Variants in INSR observed in about 807,000 individuals in gnomAD.
INSR encodes insulin receptor.
INSR carries 67 observed loss-of-function variants against 142.6 expected under a neutral mutation model. The ratio of observed to expected loss-of-function variants is 0.47; its 90% CI spans 0.39 to 0.58. The LOEUF is 0.58. Among genes scored for constraint, INSR ranks in the 20% least tolerant of loss-of-function variants. The pLI, the probability that INSR is intolerant of heterozygous loss-of-function variation, is 0.00. For synonymous variants in INSR, 756 were observed against 743.1 expected, an observed-to-expected ratio of 1.02 and a Z score of -0.28; for missense variants, 1,248 against 1,833.2, an observed-to-expected ratio of 0.68 and a Z score of 5.83.
chr19:7,144,886 C>T (rs919422672), intron 11 of INSR, among the ~76,000 whole-genome samples: 1 of 152,064 alleles, frequency 6.6e-6, no homozygotes, highest in African/African-American at 2.4e-5. Context: ...CTTGTGGTTG[C>T]ACCAGCAGGC....
chr19:7,244,569 A>G (rs1976472174), intron 2 of INSR, among the ~76,000 whole-genome samples: 1 of 152,170 alleles, frequency 6.6e-6, no homozygotes, highest in Admixed American at 6.5e-5. Context: ...ATGGAAAAGG[A>G]GATCCCATAC....
intron 2 of INSR, among the ~76,000 whole-genome samples, chr19:7,202,799 C>T (rs567823289): frequency 1.3e-5 from 2 of 152,288 alleles, no homozygotes; most frequent in African/African-American, 4.8e-5. Context: ...TGGTGCCCAG[C>T]CCTTTTCGGT....
intron 7 of INSR, among the ~76,000 whole-genome samples, chr19:7,167,406 T>C (rs562530532): frequency 1.6e-4 from 24 of 152,090 alleles, no homozygotes; most frequent in Non-Finnish European, 3.2e-4. Flanking sequence ...GCAAAACCCG[T>C]CTCTATCAAA....
intron 1 of INSR, among the ~76,000 whole-genome samples, chr19:7,279,466 AG>A (rs1337734929): frequency 6.7e-6 from 1 of 149,958 alleles, no homozygotes; most frequent in Admixed American, 6.8e-5. Context: ...GAGAGTGAGG[AG>A]GGATCGTCAA....
At chr19:7,210,340 C>CAAAAA (rs11342133) in intron 2 of INSR, among the ~76,000 whole-genome samples, 3 of 109,800 alleles carry the variant, frequency 2.7e-5, no homozygotes, top group African/African-American at 2.9e-5. Context: ...GACTCTGTCT[C>CAAAAA]AAAAAAAAAA....
chr19:7,213,417 AATT>A (rs1975341143), intron 2 of INSR, among the ~76,000 whole-genome samples: 2 of 151,914 alleles, frequency 1.3e-5, no homozygotes, highest in African/African-American at 4.8e-5. Flanking sequence ...GTATGCAAAG[AATT>A]ATTATGCAGC....
rs1274236975 is a variant in INSR, at chr19:7,166,093, A to C, written c.1861+61T>G. 6.3e-7 allele frequency: 1 copy of C among 1,595,950 alleles called. No homozygotes were observed. ...GCATTTTATACAACCTCACTGCATC[A>C]GCCTATTAAAAGCAAGAGGTCTGAT... On this transcript the variant is annotated intron_variant, in intron 8 of 21. Coordinates refer to ENST00000302850, the MANE Select transcript of INSR (RefSeq NM_000208.4). The surrounding 1 kb of genome is among the most constrained non-coding windows in gnomAD (Gnocchi z 4.1).
chr19:7,241,774 T>C (rs369170708), intron 2 of INSR, among the ~76,000 whole-genome samples: 7 of 152,188 alleles, frequency 4.6e-5, no homozygotes, highest in African/African-American at 1.4e-4. Flanking sequence ...CTTCCTGTAA[T>C]GTACAGGGCA....
chr19:7,230,427 A>C (rs10416429), intron 2 of INSR, among the ~76,000 whole-genome samples: 109,743 of 152,044 alleles, frequency 0.72, 39,900 homozygotes, highest in South Asian at 0.82. Flanking sequence ...GAATCCTAAC[A>C]GTGTCCACCT....
At chr19:7,189,821 G>A (rs1974528000) in intron 2 of INSR, among the ~76,000 whole-genome samples, 1 of 151,902 alleles carries the variant, frequency 6.6e-6, no homozygotes, top group African/African-American at 2.4e-5. Flanking sequence ...CCACAACCAT[G>A]CCTGGATAAT....
At chr19:7,198,036 CGTGT>C (rs931023187) in intron 2 of INSR, among the ~76,000 whole-genome samples, 8 of 147,280 alleles carry the variant, frequency 5.4e-5, no homozygotes, top group South Asian at 2.2e-4. Context: ...CCATGATGGG[CGTGT>C]GTGTGTGTCT....
chr19:7,203,398 T>C (rs544462332), intron 2 of INSR, among the ~76,000 whole-genome samples: 88 of 152,154 alleles, frequency 5.8e-4, no homozygotes, highest in African/African-American at 2.0e-3. Context: ...TTTTTGGAAA[T>C]AGGTATGACA....
chr19:7,180,880 ATTGGT>A (rs2144977723), intron 3 of INSR, among the ~76,000 whole-genome samples: 1 of 152,120 alleles, frequency 6.6e-6, no homozygotes, highest in Non-Finnish European at 1.5e-5. Flanking sequence ...GATTCTGTCC[ATTGGT>A]CTTGGGAAGC....
At chr19:7,207,900 GA>G (rs1470129005) in intron 2 of INSR, among the ~76,000 whole-genome samples, 1 of 45,480 alleles carries the variant, frequency 2.2e-5, no homozygotes, top group Non-Finnish European at 5.3e-5. Context: ...AGGAAGGAAG[GA>G]AAGGAAGGAA....
chr19:7,269,608 T>A (rs1967855842), intron 1 of INSR, among the ~76,000 whole-genome samples: 1 of 122,972 alleles, frequency 8.1e-6, no homozygotes, highest in Non-Finnish European at 1.6e-5. Context: ...CCCCTCCTAG[T>A]CAGGGACCCA....
intron 13 of INSR, among the ~76,000 whole-genome samples, chr19:7,138,627 T>C (rs1049258582): frequency 5.3e-5 from 8 of 152,056 alleles, no homozygotes; most frequent in African/African-American, 1.9e-4. Flanking sequence ...CCACCTCAGC[T>C]TCCTGAGTCA....
At chr19:7,207,930 AAGGAAGGAAGGGAAGG>A (rs1286284727) in intron 2 of INSR, among the ~76,000 whole-genome samples, 1 of 127,702 alleles carries the variant, frequency 7.8e-6, no homozygotes, top group African/African-American at 3.0e-5. Context: ...GGAAGGAAGG[AAGGAAGGAAGGGAAGG>A]AGGGAGGGAG....
chr19:7,230,087 C>T (rs560934544), intron 2 of INSR, among the ~76,000 whole-genome samples: 5 of 152,190 alleles, frequency 3.3e-5, no homozygotes, highest in South Asian at 2.1e-4. Context: ...TCAGCGTACC[C>T]GGCTCAGAAC....
chr19:7,183,830 A>C (rs1974338431), intron 3 of INSR, among the ~76,000 whole-genome samples: 1 of 152,096 alleles, frequency 6.6e-6, no homozygotes. Flanking sequence ...AGGCCAAGGC[A>C]GGTGGACCAC....
Sources: gnomAD v4.1 joint callset for allele counts (sites outside exome capture counted in the v4.1 genomes callset) on GRCh38, gnomAD v4.1.1 for gene constraint, Gnocchi (gnomAD v3.1) non-coding constraint, MANE v1.5 for transcripts, NCBI Gene and HGNC (gene_info 2026-07-23, HGNC 2026-07-21) for gene names.